GRM8: variants seen among roughly 807,000 people sequenced by gnomAD.
The protein encoded by GRM8 is metabotropic glutamate receptor 8.
GRM8 carries 47 observed loss-of-function variants against 87.2 expected under a neutral mutation model. The ratio of observed to expected loss-of-function variants is 0.54; its 90% CI spans 0.43 to 0.69. The LOEUF is 0.69. Ranked by LOEUF, GRM8 falls within the 30% of genes least tolerant of loss-of-function variation. GRM8 has a pLI of 0.00. For missense variants in GRM8, 1,019 were observed against 1,139.2 expected, an observed-to-expected ratio of 0.89 and a Z score of 1.52; for synonymous variants, 396 against 404.5, an observed-to-expected ratio of 0.98 and a Z score of 0.25.
rs184995532 is a variant in GRM8 at position 126,664,909 on chromosome 7, A to C, written c.1358-55411T>G. Reference sequence around the variant, plus strand: ...CCAGAATCTATAAGGAACTTAAACAATTCAGCAAGACAATTGTAAAAACCA... The same window carrying C: ...CCAGAATCTATAAGGAACTTAAACACTTCAGCAAGACAATTGTAAAAACCA... On this transcript the variant is annotated intron_variant, in intron 7 of 10. Coordinates refer to ENST00000339582, the MANE Select transcript of GRM8 (RefSeq NM_000845.3). Among the ~76,000 whole-genome samples, 202 of 152,304 alleles carry C rather than the reference A, an allele frequency of 1.3e-3. 1 individual carries two copies. Among genetic ancestry groups the C allele is most frequent in the African/African-American group, 4.6e-3 (193 of 41,564 alleles).
chr7:126,775,233 G>A (rs549983048), intron 6 of GRM8, among the ~76,000 whole-genome samples: 3 of 152,128 alleles, frequency 2.0e-5, no homozygotes, highest in African/African-American at 7.2e-5. Flanking sequence ...AAGGGAATTT[G>A]TGAACCTGCT....
intron 9 of GRM8, among the ~76,000 whole-genome samples, chr7:126,532,157 G>T (rs1814919787): frequency 6.6e-6 from 1 of 152,200 alleles, no homozygotes; most frequent in South Asian, 2.1e-4. Flanking sequence ...TTCCTATACA[G>T]ATATTCTTTA....
chr7:126,702,944 G>A (rs906288542), intron 7 of GRM8, among the ~76,000 whole-genome samples: 1 of 152,066 alleles, frequency 6.6e-6, no homozygotes, highest in Admixed American at 6.6e-5. Context: ...AAGCGTACAG[G>A]GTCAAGGCTG....
chr7:126,472,766 A>C (rs760862292), intron 9 of GRM8, among the ~76,000 whole-genome samples: 1 of 152,070 alleles, frequency 6.6e-6, no homozygotes, highest in Non-Finnish European at 1.5e-5. Context: ...GGGTGGAAAA[A>C]TGGTTTCCTG....
At chr7:126,797,988 T>C (rs1319553325) in intron 6 of GRM8, among the ~76,000 whole-genome samples, 1 of 152,050 alleles carries the variant, frequency 6.6e-6, no homozygotes, top group Non-Finnish European at 1.5e-5. Flanking sequence ...GGGGATAAGT[T>C]TACAACCCCA....
intron 9 of GRM8, among the ~76,000 whole-genome samples, chr7:126,478,669 G>A (rs2150584204): frequency 6.6e-6 from 1 of 152,162 alleles, no homozygotes; most frequent in Admixed American, 6.6e-5. Context: ...CATGCTAATT[G>A]AGAAATCTAG....
chr7:127,002,126 T>G (rs1263027338), intron 3 of GRM8, among the ~76,000 whole-genome samples: 1 of 151,602 alleles, frequency 6.6e-6, no homozygotes, highest in Non-Finnish European at 1.5e-5. Flanking sequence ...GGTGGTTACA[T>G]AAGTGTATAC....
chr7:126,948,675 C>T (rs1807811551), intron 3 of GRM8, among the ~76,000 whole-genome samples: 2 of 152,096 alleles, frequency 1.3e-5, no homozygotes, highest in Non-Finnish European at 2.9e-5. Flanking sequence ...GCTGCTCTTT[C>T]CTCTAGTCTC....
chr7:127,152,854 C>T (rs1377231826), intron 2 of GRM8, among the ~76,000 whole-genome samples: 1 of 152,126 alleles, frequency 6.6e-6, no homozygotes, highest in African/African-American at 2.4e-5. Flanking sequence ...TACAGTTCAA[C>T]TGTTATATAT....
intron 2 of GRM8, among the ~76,000 whole-genome samples, chr7:127,231,141 T>C (rs1306935906): frequency 6.6e-6 from 1 of 152,178 alleles, no homozygotes; most frequent in Non-Finnish European, 1.5e-5. Flanking sequence ...GACCTGTTGG[T>C]GGGTTGATTG....
chr7:126,576,005 G>C (rs1478708787), intron 8 of GRM8, among the ~76,000 whole-genome samples: 1 of 152,098 alleles, frequency 6.6e-6, no homozygotes, highest in Non-Finnish European at 1.5e-5. Flanking sequence ...TTTAGTATTG[G>C]TCAAATGCTA....
At chr7:126,701,238 T>C (rs1479978257) in intron 7 of GRM8, among the ~76,000 whole-genome samples, 1 of 152,152 alleles carries the variant, frequency 6.6e-6, no homozygotes, top group Non-Finnish European at 1.5e-5. Flanking sequence ...GGGGGTGGGC[T>C]GCCTTGTATT....
At chr7:126,825,582 T>C (rs1465576621) in intron 6 of GRM8, among the ~76,000 whole-genome samples, 3 of 152,178 alleles carry the variant, frequency 2.0e-5, no homozygotes, top group Non-Finnish European at 4.4e-5. Context: ...CAAAAGGCTA[T>C]GCTTTAGGAA....
intron 8 of GRM8, among the ~76,000 whole-genome samples, chr7:126,592,589 A>C (rs937602999): frequency 6.6e-6 from 1 of 152,006 alleles, no homozygotes; most frequent in African/African-American, 2.4e-5. Context: ...ACATACTTTC[A>C]TGATAAAAAC....
chr7:126,724,320 G>A (rs1361349527), intron 7 of GRM8, among the ~76,000 whole-genome samples: 1 of 152,066 alleles, frequency 6.6e-6, no homozygotes, highest in Non-Finnish European at 1.5e-5. Flanking sequence ...TCCAAATCTG[G>A]CTCTGAAAGG....
intron 3 of GRM8, among the ~76,000 whole-genome samples, chr7:127,030,117 G>C (rs370943568): frequency 2.0e-5 from 3 of 152,146 alleles, no homozygotes; most frequent in East Asian, 3.9e-4. Flanking sequence ...AGGGGGTGGC[G>C]ATGATTCTTT....
intron 6 of GRM8, among the ~76,000 whole-genome samples, chr7:126,867,723 G>C (rs1004391832): frequency 6.6e-6 from 1 of 152,116 alleles, no homozygotes; most frequent in Admixed American, 6.5e-5. Context: ...GAGAAGAACA[G>C]AAATGAGAGG....
chr7:126,841,293 T>G (rs1306798326), intron 6 of GRM8, among the ~76,000 whole-genome samples: 1 of 152,154 alleles, frequency 6.6e-6, no homozygotes, highest in Non-Finnish European at 1.5e-5. Context: ...TGCTGGTGGT[T>G]TGGCTCCTCC....
chr7:127,042,227 G>A (rs1476513493), intron 3 of GRM8, among the ~76,000 whole-genome samples: 2 of 152,188 alleles, frequency 1.3e-5, no homozygotes, highest in African/African-American at 4.8e-5. Flanking sequence ...GGCCTCCAGA[G>A]CAGAGACAGG....
Sources: gnomAD v4.1 joint callset for allele counts (sites outside exome capture counted in the v4.1 genomes callset) on GRCh38, gnomAD v4.1.1 for gene constraint, MANE v1.5 for transcripts, NCBI Gene and HGNC (gene_info 2026-07-23, HGNC 2026-07-21) for gene names.